RBM6: variants seen among roughly 807,000 people sequenced by gnomAD.
The protein encoded by RBM6 is RNA binding motif protein 6, also known as RNA-binding protein 6.
In RBM6, 23 loss-of-function variants were observed where a neutral mutation model predicts 140.4. The ratio of observed to expected loss-of-function variants is 0.16; its 90% confidence interval spans 0.12 to 0.23. The LOEUF is 0.23. RBM6 is among the 10% of genes least tolerant of loss of function. The pLI, the probability that RBM6 is intolerant of heterozygous loss-of-function variation, is 1.00. For synonymous variants in RBM6, 439 were observed against 475.6 expected, an observed-to-expected ratio of 0.92 and a Z score of 1.00; for missense variants, 1,139 against 1,386.7, an observed-to-expected ratio of 0.82 and a Z score of 2.84.
intron 4 of RBM6, among the ~76,000 whole-genome samples, chr3:49,974,673 ATTTTTTTTTTTTT>A (rs55872898): frequency 1.7e-4 from 12 of 72,466 alleles, no homozygotes; most frequent in African/African-American, 5.8e-4. Context: ...TGCCCGGCCA[ATTTTTTTTTTTTT>A]TTTTTTTTTT....
chr3:50,016,230 C>CTT (rs1037637819), intron 6 of RBM6, among the ~76,000 whole-genome samples: 3 of 152,224 alleles, frequency 2.0e-5, no homozygotes, highest in African/African-American at 7.2e-5. Context: ...ATACACTTAG[C>CTT]TAAGTGTCCT....
At chr3:50,019,941 C>CAGGGTCTCACTCTT (rs1369312414) in intron 6 of RBM6, among the ~76,000 whole-genome samples, 1 of 147,006 alleles carries the variant, frequency 6.8e-6, no homozygotes, top group Non-Finnish European at 1.5e-5. Context: ...TTTTTAGATG[C>CAGGGTCTCACTCTT]AGGGTCTCAC....
intron 6 of RBM6, among the ~76,000 whole-genome samples, chr3:50,031,896 C>G (rs2088188847): frequency 6.6e-6 from 1 of 151,960 alleles, no homozygotes; most frequent in African/African-American, 2.4e-5. Context: ...TACTCTATTC[C>G]CCATGATATG....
chr3:50,022,828 G>C (rs957260452), intron 6 of RBM6, among the ~76,000 whole-genome samples: 16 of 152,292 alleles, frequency 1.1e-4, no homozygotes, highest in Middle Eastern at 3.4e-3. Flanking sequence ...GCTGGGCGCA[G>C]TGACTCACAC....
Position 49,967,228 on chromosome 3 carries a change from A to G in RBM6, c.45-242A>G. 1 of 1,269,180 alleles carries G rather than the reference A, an allele frequency of 7.9e-7. No homozygotes were observed. The highest frequency in any genetic ancestry group is 9.9e-7 in the Non-Finnish European group (1 of 1,007,048). The allele number at this position is 1,269,180 out of a possible 1,614,324, so 78.6% of individuals were successfully genotyped here. ...GGTGAAAGCTTTTTCTGCAGCAGTCATGTTGAAAACCTTGTGTTGACTTTC... is the reference window on the plus strand; with the variant it reads ...GGTGAAAGCTTTTTCTGCAGCAGTCGTGTTGAAAACCTTGTGTTGACTTTC... On this transcript the variant is annotated intron_variant, in intron 2 of 20. Coordinates refer to ENST00000266022, the MANE Select transcript of RBM6 (RefSeq NM_005777.3). This position sits in a 1 kb window ranked among gnomAD's most constrained non-coding sequence, Gnocchi z 4.0.
intron 1 of RBM6, among the ~76,000 whole-genome samples, chr3:49,961,335 C>T (rs1407394720): frequency 1.3e-5 from 2 of 151,966 alleles, no homozygotes; most frequent in African/African-American, 2.4e-5. Flanking sequence ...GCCTAGCCTC[C>T]CAAAGTTCTG....
intron 1 of RBM6, among the ~76,000 whole-genome samples, chr3:49,942,138 A>G (rs2083312055): frequency 6.6e-6 from 1 of 151,514 alleles, no homozygotes; most frequent in Non-Finnish European, 1.5e-5. Flanking sequence ...TGGTAAATAT[A>G]TATTTTTATG....
At chr3:50,067,435 G>A (rs2090159200) in intron 17 of RBM6, among the ~76,000 whole-genome samples, 1 of 152,098 alleles carries the variant, frequency 6.6e-6, no homozygotes, top group Admixed American at 6.6e-5. Context: ...TTACTTGCTG[G>A]GTTTCTCATC....
chr3:49,954,903 C>T (rs1011592986), intron 1 of RBM6, among the ~76,000 whole-genome samples: 4 of 151,892 alleles, frequency 2.6e-5, no homozygotes, highest in East Asian at 2.0e-4. Flanking sequence ...GGACTGCAGG[C>T]GCACACTGCC....
intron 5 of RBM6, among the ~76,000 whole-genome samples, chr3:49,977,420 A>C (rs777551914): frequency 6.6e-6 from 1 of 152,066 alleles, no homozygotes; most frequent in African/African-American, 2.4e-5. Context: ...TGGATCTATC[A>C]CTGATTGGAT....
At chr3:50,036,885 G>T (rs1328205550) in intron 6 of RBM6, among the ~76,000 whole-genome samples, 2 of 152,050 alleles carry the variant, frequency 1.3e-5, no homozygotes, top group African/African-American at 4.8e-5. Context: ...GGGTTCAAGT[G>T]ATTCTCCTGC....
At chr3:49,981,136 A>G (rs2085290037) in intron 5 of RBM6, among the ~76,000 whole-genome samples, 1 of 151,962 alleles carries the variant, frequency 6.6e-6, no homozygotes, top group Non-Finnish European at 1.5e-5. Flanking sequence ...AACTGACCTC[A>G]TGATTCGTCC....
chr3:50,060,402 G>A (rs997520856), intron 11 of RBM6, among the ~76,000 whole-genome samples: 4 of 152,056 alleles, frequency 2.6e-5, no homozygotes, highest in Admixed American at 2.6e-4. Flanking sequence ...TCTTGCTCTA[G>A]CACCCTCCAC....
At chr3:50,016,067 GACTA>G (rs1337534576) in intron 6 of RBM6, among the ~76,000 whole-genome samples, 2 of 152,094 alleles carry the variant, frequency 1.3e-5, no homozygotes, top group East Asian at 1.9e-4. Flanking sequence ...TATACTCTTT[GACTA>G]ACATTCTCCC....
intron 7 of RBM6, among the ~76,000 whole-genome samples, chr3:50,050,859 C>A (rs1371713363): frequency 6.6e-6 from 1 of 152,006 alleles, no homozygotes; most frequent in African/African-American, 2.4e-5. Context: ...CATTTGTATA[C>A]CTCCTTTGGA....
intron 6 of RBM6, among the ~76,000 whole-genome samples, chr3:50,010,651 C>T (rs1223736415): frequency 6.6e-6 from 1 of 151,638 alleles, no homozygotes; most frequent in East Asian, 1.9e-4. Flanking sequence ...ACCTGTAATC[C>T]CAGCACTTTG....
At chr3:50,017,655 T>C (rs986058879) in intron 6 of RBM6, among the ~76,000 whole-genome samples, 1 of 152,184 alleles carries the variant, frequency 6.6e-6, no homozygotes, top group Non-Finnish European at 1.5e-5. Context: ...TAGTTTGAGT[T>C]CTTTGTACAT....
At chr3:50,013,276 A>G (rs2086950867) in intron 6 of RBM6, among the ~76,000 whole-genome samples, 2 of 152,080 alleles carry the variant, frequency 1.3e-5, no homozygotes, top group African/African-American at 4.8e-5. Flanking sequence ...GAGGTCCCCC[A>G]CTGGGCTTTG....
At chr3:50,040,563 C>T (rs559185147) in intron 6 of RBM6, among the ~76,000 whole-genome samples, 225 of 146,608 alleles carry the variant, frequency 1.5e-3, no homozygotes, top group Admixed American at 3.6e-3. Flanking sequence ...TATACACACA[C>T]ATGTATATCT....
Sources: allele counts gnomAD v4.1 joint callset (sites outside exome capture counted in the v4.1 genomes callset), GRCh38; gene constraint gnomAD v4.1.1; non-coding constraint Gnocchi (gnomAD v3.1); transcripts MANE v1.5; gene names NCBI Gene and HGNC (gene_info 2026-07-23, HGNC 2026-07-21).